The following TMEM131L variants were observed in gnomAD, a reference collection of about 807,000 sequenced individuals.
TMEM131L encodes transmembrane 131 like, also known as transmembrane protein 131-like.
A neutral mutation model predicts 192.2 loss-of-function variants in TMEM131L; 54 were observed. That is an observed-to-expected ratio of 0.28 (90% CI 0.23 to 0.35). The LOEUF (loss-of-function observed/expected upper bound fraction) is 0.35, where lower values mean the gene tolerates loss of function less well. Among genes scored for constraint, TMEM131L ranks in the 10% least tolerant of loss-of-function variants. The probability of loss-of-function intolerance (pLI) is 1.00; values close to 1 mark genes in which losing one functional copy is unlikely to be tolerated. For synonymous variants in TMEM131L, 701 were observed against 704.9 expected (o/e 0.99, Z 0.09); for missense variants, 1,888 against 1,972.9 (o/e 0.96, Z 0.82).
rs188590025 is a variant in TMEM131L, at chr4:153,468,723, A to G, written c.195+1442A>G. 1.6e-3 allele frequency among the ~76,000 whole-genome samples: 246 copies of G among 152,058 alleles called. 1 individual carries two copies. The Middle Eastern group carries it at 0.024, about 15-fold the overall frequency. On this transcript the variant is annotated intron_variant, in intron 2 of 34. Coordinates refer to ENST00000409959, the MANE Select transcript of TMEM131L (RefSeq NM_001131007.2). ...CCTCTACCCACTAGATGCCAGTGGC[A>G]CTCACTGCTGCTTCCCCCTCTCCCC... is the stretch of plus-strand genomic sequence containing the variant.
At chr4:153,617,476 C>T (rs73856936) in intron 26 of TMEM131L, among the ~76,000 whole-genome samples, 1,772 of 152,238 alleles carry the variant, frequency 0.012, 37 homozygotes, top group African/African-American at 0.04. Flanking sequence ...CTCCTCTGTG[C>T]GGCAAAAATT....
At position 153,505,651 on chromosome 4, in the gene TMEM131L, G is replaced by C. The variant is rs550084654; in HGVS notation, c.239+31763G>C. ...GGTATTCAGGTTGTCATTGTGTTTA[G>C]AGGTAAGTTCAAAGCTCATGACACA... On this transcript the variant is annotated intron_variant, in intron 3 of 34. Transcript: ENST00000409959. 9.2e-5 allele frequency among the ~76,000 whole-genome samples: 14 copies of C among 152,306 alleles called. No individual in the cohort carries two copies. In the East Asian group the frequency reaches 2.7e-3, roughly 29 times the overall value.
intron 3 of TMEM131L, among the ~76,000 whole-genome samples, chr4:153,499,445 T>A (rs1733428987): frequency 6.6e-6 from 1 of 151,066 alleles, no homozygotes; most frequent in Non-Finnish European, 1.5e-5. Flanking sequence ...TTTTTTTTTT[T>A]TGAGATGCGT....
intron 3 of TMEM131L, among the ~76,000 whole-genome samples, chr4:153,542,945 A>G (rs1268046720): frequency 2.0e-5 from 3 of 152,206 alleles, no homozygotes; most frequent in African/African-American, 7.2e-5. Context: ...TGAGGGACAG[A>G]TTAGTGTGGA....
At chr4:153,562,218 A>G (rs1320463561) in intron 7 of TMEM131L, among the ~76,000 whole-genome samples, 1 of 151,924 alleles carries the variant, frequency 6.6e-6, no homozygotes, top group Admixed American at 6.6e-5. Flanking sequence ...TTGTATTTTT[A>G]GTAGAGACAG....
At chr4:153,562,888 G>C (rs889765685) in intron 7 of TMEM131L, among the ~76,000 whole-genome samples, 1 of 152,168 alleles carries the variant, frequency 6.6e-6, no homozygotes, top group African/African-American at 2.4e-5. Context: ...TTATGAAAAA[G>C]AAAACTGAGA....
intron 11 of TMEM131L, 45 bp from the exon 12 acceptor site, chr4:153,584,790 A>T (rs566378047): frequency 7.2e-7 from 1 of 1,391,734 alleles, no homozygotes; most frequent in South Asian, 1.2e-5. Context: ...GCTTAATGAA[A>T]GAAAAGGTAC....
intron 3 of TMEM131L, among the ~76,000 whole-genome samples, chr4:153,544,578 G>A (rs1450551433): frequency 6.6e-6 from 1 of 152,198 alleles, no homozygotes; most frequent in Non-Finnish European, 1.5e-5. Flanking sequence ...GCCAGCTTGT[G>A]AGTGCACTTT....
chr4:153,606,643 T>C (rs1732260278), intron 25 of TMEM131L, among the ~76,000 whole-genome samples: 1 of 152,210 alleles, frequency 6.6e-6, no homozygotes, highest in Non-Finnish European at 1.5e-5. Flanking sequence ...GCCTGTATCA[T>C]TGTAGATGGT....
intron 17 of TMEM131L, among the ~76,000 whole-genome samples, chr4:153,591,507 G>A (rs1412531726): frequency 6.6e-6 from 1 of 152,200 alleles, no homozygotes; most frequent in Non-Finnish European, 1.5e-5. Context: ...TCCAGAGCGA[G>A]TCAGGTTGTG....
At position 153,583,621 on chromosome 4, in the gene TMEM131L, C is replaced by T; in HGVS notation, c.1009C>T (p.Leu337=). 1 of 1,610,680 alleles carries T rather than the reference C, an allele frequency of 6.2e-7. No homozygotes were observed. The highest frequency in any genetic ancestry group is 1.3e-5 in the African/African-American group (1 of 74,950). Residue 337 remains leucine, a synonymous_variant, in exon 11 of 35, where the codon CTA becomes TTA. Coordinates refer to ENST00000409959, the MANE Select transcript of TMEM131L (RefSeq NM_001131007.2). ...GTCTCTGCAGTTTGAACCAGTACTA[C>T]TACCTACTTCTACAACAAACTTTAC... is the stretch of plus-strand genomic sequence containing the variant. ...ALSLQFEPVL[L]PTSTTNFTKI... is the part of the protein sequence containing the mutation.
chr4:153,521,610 C>G (rs181026376), intron 3 of TMEM131L, among the ~76,000 whole-genome samples: 1 of 152,096 alleles, frequency 6.6e-6, no homozygotes, highest in African/African-American at 2.4e-5. Flanking sequence ...GAGCAACTAT[C>G]GCCACCATCC....
intron 31 of TMEM131L, among the ~76,000 whole-genome samples, chr4:153,629,669 G>A (rs758949372): frequency 5.9e-5 from 9 of 152,160 alleles, no homozygotes; most frequent in Admixed American, 3.9e-4. Context: ...TTTTGAAACC[G>A]TGCTGTCGGG....
chr4:153,613,423 A>G (rs1041490763), intron 26 of TMEM131L, among the ~76,000 whole-genome samples: 2 of 152,244 alleles, frequency 1.3e-5, no homozygotes, highest in African/African-American at 4.8e-5. Flanking sequence ...TTTAATTTTA[A>G]TCTTTCTCAG....
chr4:153,493,345 C>CAAAAAAA (rs35052272), intron 3 of TMEM131L, among the ~76,000 whole-genome samples: 20 of 72,856 alleles, frequency 2.7e-4, no homozygotes, highest in South Asian at 4.7e-4. Context: ...GACTCTGTCT[C>CAAAAAAA]AAAAAAAAAA....
At chr4:153,468,489 A>C (rs1310669493) in intron 2 of TMEM131L, among the ~76,000 whole-genome samples, 2 of 152,224 alleles carry the variant, frequency 1.3e-5, no homozygotes, top group Non-Finnish European at 2.9e-5. Context: ...GGTTTGGAAG[A>C]TACAGAAATA....
chr4:153,483,118 C>CAA (rs1017531560), intron 3 of TMEM131L, among the ~76,000 whole-genome samples: 1 of 151,882 alleles, frequency 6.6e-6, no homozygotes, highest in Non-Finnish European at 1.5e-5. Flanking sequence ...TTTCCTGAAA[C>CAA]AAAAAAAGTA....
At chr4:153,614,640 C>T (rs1466392811) in intron 26 of TMEM131L, among the ~76,000 whole-genome samples, 2 of 152,092 alleles carry the variant, frequency 1.3e-5, no homozygotes, top group Non-Finnish European at 2.9e-5. Flanking sequence ...GTCAGGATGC[C>T]TGTTACGTAG....
intron 6 of TMEM131L, 38 bp from the exon 7 acceptor site, chr4:153,558,220 C>G: frequency 8.6e-7 from 1 of 1,162,066 alleles, no homozygotes; most frequent in Non-Finnish European, 1.3e-6. Flanking sequence ...TGTTTTAAAA[C>G]TCTTAACAGA....
Sources: allele counts gnomAD v4.1 joint callset (sites outside exome capture counted in the v4.1 genomes callset), GRCh38; gene constraint gnomAD v4.1.1; transcripts MANE v1.5; gene names NCBI Gene and HGNC (gene_info 2026-07-23, HGNC 2026-07-21).